The following CRTC3 variants were observed in gnomAD, a reference collection of about 807,000 sequenced individuals.
The protein encoded by CRTC3 is CREB-regulated transcription coactivator 3.
Under a neutral mutation model 74.5 loss-of-function variants are expected in CRTC3, and 26 were observed. The ratio of observed to expected loss-of-function variants is 0.35; its 90% CI spans 0.26 to 0.48. The LOEUF (loss-of-function observed/expected upper bound fraction) is 0.48, where lower values mean the gene tolerates loss of function less well. Among genes scored for constraint, CRTC3 ranks in the 20% least tolerant of loss-of-function variants. The pLI is 0.99. For synonymous variants in CRTC3, 377 were observed against 325.8 expected (o/e 1.16, Z -1.69); for missense variants, 760 against 787.3 (o/e 0.97, Z 0.41).
intron 1 of CRTC3, among the ~76,000 whole-genome samples, chr15:90,538,390 A>T (rs1038208695): frequency 6.6e-6 from 1 of 152,212 alleles, no homozygotes; most frequent in South Asian, 2.1e-4. Context: ...TTAATAGGTT[A>T]TAACTGTCTC....
chr15:90,625,885 C>T lies in CRTC3; in HGVS notation c.859C>T (p.Pro287Ser). Residue 287 changes from proline (P) to serine (S), a missense_variant, in exon 10 of 15, where the codon CCA (proline) becomes TCA (serine). By Grantham distance (74) the Pro-to-Ser change is moderately conservative. Transcript: ENST00000268184. ...LTNLHYSTPL[P>S]ASLDTTDHHF... is the part of the protein sequence containing the mutation. ...CAACCTCCACTACTCGACACCCCTGCCAGCCTCCCTGGACACCACCGACCA... is the reference window on the plus strand; with the variant it reads ...CAACCTCCACTACTCGACACCCCTGTCAGCCTCCCTGGACACCACCGACCA... 1 of 1,614,136 alleles carries T rather than the reference C, an allele frequency of 6.2e-7. No individual in the cohort carries two copies. The highest frequency in any genetic ancestry group is 2.2e-5 in the East Asian group (1 of 44,890).
At position 90,632,394 on chromosome 15, in the gene CRTC3, A is replaced by G. The variant is rs542731313; in HGVS notation, c.1266+2862A>G. Among the ~76,000 whole-genome samples, 11 of 152,260 alleles carry G rather than the reference A, an allele frequency of 7.2e-5. No individual in the cohort carries two copies. The South Asian group carries it at 2.3e-3, about 32-fold the overall frequency. On this transcript the variant is annotated intron_variant, in intron 11 of 14. Coordinates refer to ENST00000268184, the MANE Select transcript of CRTC3 (RefSeq NM_022769.5). The stretch of plus-strand genomic sequence containing the variant: ...GAGGATTGCTTAAGGCCCGGAGTTC[A>G]AGACCAGCCTTGGCAACATAGTGAC...
chr15:90,609,864 C>T (rs1458364095), intron 6 of CRTC3, among the ~76,000 whole-genome samples: 3 of 152,180 alleles, frequency 2.0e-5, no homozygotes, highest in Non-Finnish European at 4.4e-5. Context: ...ACTTGAGAAT[C>T]GTGGTGGTCT....
chr15:90,552,483 C>T (rs1354335584), intron 2 of CRTC3, among the ~76,000 whole-genome samples: 1 of 152,162 alleles, frequency 6.6e-6, no homozygotes, highest in African/African-American at 2.4e-5. Flanking sequence ...CCTGATCACC[C>T]CTCATCTAGT....
At chr15:90,615,945 C>T (rs571738367) in intron 7 of CRTC3, among the ~76,000 whole-genome samples, 7 of 151,862 alleles carry the variant, frequency 4.6e-5, no homozygotes, top group African/African-American at 1.4e-4. Flanking sequence ...TGCAAACCTC[C>T]GCCTCCTGGG....
chr15:90,606,346 G>A (rs1320444939), intron 5 of CRTC3, among the ~76,000 whole-genome samples: 8 of 152,234 alleles, frequency 5.3e-5, no homozygotes, highest in African/African-American at 1.7e-4. Context: ...TGGATCACCC[G>A]AGGTCGGGAG....
chr15:90,543,946 C>G (rs1400689331), intron 2 of CRTC3, among the ~76,000 whole-genome samples: 1 of 152,086 alleles, frequency 6.6e-6, no homozygotes, highest in East Asian at 1.9e-4. Context: ...AATCAAATGT[C>G]CGTAGTCTTT....
intron 6 of CRTC3, among the ~76,000 whole-genome samples, chr15:90,608,682 T>C (rs377495327): frequency 6.6e-5 from 10 of 150,900 alleles, no homozygotes; most frequent in African/African-American, 1.7e-4. Context: ...AGCATCTTAA[T>C]GGTCTTGTTC....
At position 90,645,038 on chromosome 15, in the gene CRTC3, G is replaced by A. The variant is rs151288341; in HGVS notation, c.*2898G>A. 3.0e-3 allele frequency: 703 copies of A among 231,272 alleles called. 1 individual carries two copies. Among genetic ancestry groups the A allele is most frequent in the African/African-American group, 0.013 (567 of 45,256 alleles). 14.3% of individuals were successfully genotyped at this position (231,272 alleles called of 1,614,324 possible). On this transcript the variant is annotated 3_prime_UTR_variant, in exon 15 of 15. Coordinates refer to ENST00000268184, the MANE Select transcript of CRTC3 (RefSeq NM_022769.5). Reference sequence around the variant, plus strand: ...GTTTCTCCTGTTTCATTTCTCCTCCGCCTGCTGTATATTACCTGAGCTGGT... The same window carrying A: ...GTTTCTCCTGTTTCATTTCTCCTCCACCTGCTGTATATTACCTGAGCTGGT...
At chr15:90,587,831 C>A (rs1967701372) in intron 2 of CRTC3, among the ~76,000 whole-genome samples, 1 of 151,954 alleles carries the variant, frequency 6.6e-6, no homozygotes, top group South Asian at 2.1e-4. Context: ...CAAGGCTGGT[C>A]TCAAACTTGT....
At chr15:90,558,444 C>T (rs896323701) in intron 2 of CRTC3, among the ~76,000 whole-genome samples, 7 of 152,144 alleles carry the variant, frequency 4.6e-5, no homozygotes, top group Non-Finnish European at 8.8e-5. Context: ...CCTGTAGGGC[C>T]CCCATCATCT....
Position 90,638,761 on chromosome 15 carries a change from A to C in CRTC3, c.1494A>C (p.Pro498=), listed in dbSNP as rs1969333275. 1 of 1,614,120 alleles carries C rather than the reference A, an allele frequency of 6.2e-7. No homozygotes were observed. Among genetic ancestry groups the C allele is most frequent in the Non-Finnish European group, 8.5e-7 (1 of 1,180,028 alleles). ...AQGSSLTNFF[P]DVGFDQQSMR... is the part of the protein sequence containing the mutation. ...GCTCATCTTTGACCAACTTCTTCCC[A>C]GATGTGGGTTTTGACCAGCAGTCCA... Residue 498 remains proline, a synonymous_variant, in exon 13 of 15, where the codon CCA becomes CCC. Transcript: ENST00000268184.
At chr15:90,596,278 A>G (rs1185606867) in intron 3 of CRTC3, 1 of 152,150 alleles carries the variant, frequency 6.6e-6, no homozygotes, top group Non-Finnish European at 1.5e-5. Context: ...TAAGAGAGTA[A>G]AGCAGTTGGG....
intron 11 of CRTC3, among the ~76,000 whole-genome samples, chr15:90,636,491 G>A (rs948763971): frequency 4.2e-4 from 63 of 151,582 alleles, no homozygotes; most frequent in African/African-American, 1.4e-3. Flanking sequence ...CAGGACATAG[G>A]CATGGGCAAG....
intron 2 of CRTC3, among the ~76,000 whole-genome samples, chr15:90,576,190 G>T (rs1330550416): frequency 6.6e-6 from 1 of 152,080 alleles, no homozygotes; most frequent in African/African-American, 2.4e-5. Flanking sequence ...GACCACTTGA[G>T]CCCAGGAAAT....
chr15:90,550,916 C>A (rs143135796), intron 2 of CRTC3, among the ~76,000 whole-genome samples: 2 of 152,056 alleles, frequency 1.3e-5, no homozygotes, highest in Non-Finnish European at 2.9e-5. Flanking sequence ...GAGCTCAATT[C>A]CAAGCAGGTG....
chr15:90,603,883 G>C (rs900286818), intron 4 of CRTC3, among the ~76,000 whole-genome samples: 11 of 152,096 alleles, frequency 7.2e-5, no homozygotes, highest in African/African-American at 2.7e-4. Flanking sequence ...CAGGGTTGTA[G>C]AATAAATACA....
chr15:90,530,207 AGGGCCCGGGCC>A lies in CRTC3; in HGVS notation c.132+7_132+17del. 8.2e-7 allele frequency: 1 copy of A among 1,225,780 alleles called. No individual in the cohort carries two copies. The highest frequency in any genetic ancestry group is 1.0e-6 in the Non-Finnish European group (1 of 961,032). The allele number at this position is 1,225,780 out of a possible 1,614,324, so 75.9% of individuals were successfully genotyped here. A position where few individuals can be genotyped will look rare whatever the true frequency, so the allele number is the denominator to read the frequency against. On this transcript the variant is annotated splice_donor_5th_base_variant and intron_variant, in intron 1 of 14. Transcript: ENST00000268184. This position sits in a 1 kb window ranked among gnomAD's most constrained non-coding sequence, Gnocchi z 6.2. ...GACCGACCTCACCCTGTCGCGGGTG[AGGGCCCGGGCC>A]GGCGCGGGCGGGGGCGGCCACGGCC...
intron 2 of CRTC3, among the ~76,000 whole-genome samples, chr15:90,553,665 C>T (rs1333595946): frequency 6.6e-6 from 1 of 152,156 alleles, no homozygotes; most frequent in Non-Finnish European, 1.5e-5. Context: ...GGAATATTGC[C>T]ATTTTCATTC....
Sources: allele counts gnomAD v4.1 joint callset (sites outside exome capture counted in the v4.1 genomes callset), GRCh38; gene constraint gnomAD v4.1.1; non-coding constraint Gnocchi (gnomAD v3.1); transcripts MANE v1.5; gene names NCBI Gene and HGNC (gene_info 2026-07-23, HGNC 2026-07-21).